Variants in PRP4K observed in about 807,000 individuals in gnomAD.
PRP4K encodes serine/threonine-protein kinase PRP4 homolog.
the PRP4K span, among the ~76,000 whole-genome samples, chr6:4,030,042 A>G: frequency 6.6e-6 from 1 of 151,684 alleles, no homozygotes; most frequent in Non-Finnish European, 1.5e-5. Context: ...TCCCAGGTTC[A>G]AGAGATTCTC....
the PRP4K span, among the ~76,000 whole-genome samples, chr6:4,054,089 A>T: frequency 6.6e-6 from 1 of 151,930 alleles, no homozygotes. Flanking sequence ...AATTAAAAAA[A>T]ATTTTTTTTA....
the PRP4K span, among the ~76,000 whole-genome samples, chr6:4,048,273 G>A: frequency 6.6e-6 from 1 of 151,876 alleles, no homozygotes; most frequent in Admixed American, 6.6e-5. Flanking sequence ...CAGCTACTCG[G>A]GAGGCTGAGG....
the PRP4K span, among the ~76,000 whole-genome samples, chr6:4,028,157 C>A: frequency 6.6e-6 from 1 of 152,162 alleles, no homozygotes; most frequent in Non-Finnish European, 1.5e-5. Flanking sequence ...TATGTGACTT[C>A]TTTCCCTTCC....
At chr6:4,032,097 C>T in the PRP4K span, 1 of 1,613,216 alleles carries the variant, frequency 6.2e-7, no homozygotes, top group Non-Finnish European at 8.5e-7. Context: ...ACGGACTAGA[C>T]ATAGGTCTGA....
chr6:4,032,890 T>A, the PRP4K span: 13 of 1,042,076 alleles, frequency 1.2e-5, no homozygotes, highest in Admixed American at 1.5e-4. Context: ...AGTTTCATAA[T>A]TTTAAGTAAC....
At chr6:4,047,203 T>A in the PRP4K span, 1 of 1,612,840 alleles carries the variant, frequency 6.2e-7, no homozygotes. Context: ...TGTTGGCACC[T>A]GATATGTTTA....
chr6:4,025,281 A>G, the PRP4K span, among the ~76,000 whole-genome samples: 59 of 152,344 alleles, frequency 3.9e-4, no homozygotes, highest in African/African-American at 1.4e-3. Context: ...AGGTTTCTTA[A>G]CAAGAAACCT....
chr6:4,039,617 A>T, the PRP4K span, among the ~76,000 whole-genome samples: 1 of 152,172 alleles, frequency 6.6e-6, no homozygotes, highest in African/African-American at 2.4e-5. Context: ...CATCTTGCAG[A>T]GGATAGGGAG....
chr6:4,038,512 C>T, the PRP4K span, among the ~76,000 whole-genome samples: 2 of 151,516 alleles, frequency 1.3e-5, no homozygotes, highest in Admixed American at 6.6e-5. Context: ...AGGCTGGTCT[C>T]GAACTCCTGA....
the PRP4K span, among the ~76,000 whole-genome samples, chr6:4,033,662 C>T: frequency 1.3e-5 from 2 of 152,110 alleles, no homozygotes; most frequent in African/African-American, 4.8e-5. Flanking sequence ...TTATTAATTC[C>T]TAGCCGTTTA....
the PRP4K span, chr6:4,021,453 C>A: frequency 6.3e-7 from 1 of 1,584,704 alleles, no homozygotes; most frequent in Non-Finnish European, 8.6e-7. Context: ...CCAGTCGCTA[C>A]GGGAGCAGCC....
chr6:4,047,698 G>C, the PRP4K span, among the ~76,000 whole-genome samples: 1 of 152,084 alleles, frequency 6.6e-6, no homozygotes, highest in Non-Finnish European at 1.5e-5. Context: ...AGAAATTTTG[G>C]TGATTTCACC....
At chr6:4,035,039 C>A in the PRP4K span, among the ~76,000 whole-genome samples, 138 of 151,924 alleles carry the variant, frequency 9.1e-4, no homozygotes, top group African/African-American at 3.2e-3. Context: ...ACACTCTGTT[C>A]TTTTTATACT....
the PRP4K span, among the ~76,000 whole-genome samples, chr6:4,023,959 C>T: frequency 2.0e-5 from 3 of 151,928 alleles, no homozygotes; most frequent in African/African-American, 7.3e-5. Context: ...CTTGGACTCC[C>T]TGGTTCAAGC....
At chr6:4,047,940 ACACACAG>A in the PRP4K span, among the ~76,000 whole-genome samples, 1 of 148,082 alleles carries the variant, frequency 6.8e-6, no homozygotes, top group East Asian at 2.0e-4. Flanking sequence ...ACACACACAC[ACACACAG>A]AGCAATAGGA....
chr6:4,041,757 A>C, the PRP4K span, among the ~76,000 whole-genome samples: 32 of 152,306 alleles, frequency 2.1e-4, no homozygotes, highest in African/African-American at 5.8e-4. Flanking sequence ...CACACACACA[A>C]AAAGAACTAT....
the PRP4K span, among the ~76,000 whole-genome samples, chr6:4,029,012 C>T: frequency 6.3e-4 from 84 of 132,548 alleles, no homozygotes; most frequent in Non-Finnish European, 9.9e-4. Flanking sequence ...TACTTGGAAT[C>T]TTTTTTTTTT....
At chr6:4,029,309 C>T in the PRP4K span, among the ~76,000 whole-genome samples, 1 of 148,536 alleles carries the variant, frequency 6.7e-6, no homozygotes, top group East Asian at 2.0e-4. Context: ...TTGTTAATTC[C>T]TTACTCATTC....
chr6:4,047,372 GAATCTGA>G, the PRP4K span: 1 of 849,298 alleles, frequency 1.2e-6, no homozygotes, highest in Non-Finnish European at 1.8e-6. Context: ...TGGGTGAAAG[GAATCTGA>G]AAACTCTACT....
Sources: allele counts gnomAD v4.1 joint callset (sites outside exome capture counted in the v4.1 genomes callset), GRCh38; gene constraint gnomAD v4.1.1; transcripts MANE v1.5; gene names NCBI Gene and HGNC (gene_info 2026-07-23, HGNC 2026-07-21).